Variants in GABRB1 observed in about 807,000 individuals in gnomAD.
The protein encoded by GABRB1 is gamma-aminobutyric acid receptor subunit beta-1.
GABRB1 carries 17 observed loss-of-function variants against 51.6 expected under a neutral mutation model. That is an observed-to-expected ratio of 0.33 (90% CI 0.23 to 0.49). The LOEUF is 0.49. GABRB1 is among the 20% of genes least tolerant of loss of function. The pLI, the probability that GABRB1 is intolerant of heterozygous loss-of-function variation, is 0.99. For synonymous variants in GABRB1, 247 were observed against 218.9 expected, an observed-to-expected ratio of 1.13 and a Z score of -1.14; for missense variants, 410 against 600.6, an observed-to-expected ratio of 0.68 and a Z score of 3.32.
At chr4:47,333,237 C>T (rs28735144) in intron 5 of GABRB1, among the ~76,000 whole-genome samples, 635 of 22,994 alleles carry the variant, frequency 0.028, 34 homozygotes, top group East Asian at 0.055. Context: ...TATATATATA[C>T]ACACCACGTA....
At chr4:47,243,462 A>G (rs943073935) in intron 4 of GABRB1, among the ~76,000 whole-genome samples, 248 of 152,292 alleles carry the variant, frequency 1.6e-3, no homozygotes, top group Non-Finnish European at 9.0e-4. Context: ...CATTGAATCT[A>G]TAAATTACCT....
intron 4 of GABRB1, among the ~76,000 whole-genome samples, chr4:47,256,818 AACACTGAGGATT>A: frequency 6.6e-6 from 1 of 152,298 alleles, no homozygotes; most frequent in Non-Finnish European, 1.5e-5. Flanking sequence ...CCCCTCCTCC[AACACTGAGGATT>A]ACAATTCAAC....
intron 5 of GABRB1, among the ~76,000 whole-genome samples, chr4:47,341,341 T>G (rs967702318): frequency 1.3e-5 from 2 of 151,984 alleles, no homozygotes; most frequent in African/African-American, 4.8e-5. Flanking sequence ...CCAGTGGCCA[T>G]GCTCTCTGGA....
At chr4:47,273,516 T>C (rs1013500718) in intron 4 of GABRB1, among the ~76,000 whole-genome samples, 1 of 152,162 alleles carries the variant, frequency 6.6e-6, no homozygotes, top group Non-Finnish European at 1.5e-5. Flanking sequence ...AGGATTGTTC[T>C]GGGCACAGTA....
intron 5 of GABRB1, among the ~76,000 whole-genome samples, chr4:47,369,749 C>A (rs556954480): frequency 3.3e-5 from 5 of 152,204 alleles, no homozygotes; most frequent in African/African-American, 1.2e-4. Context: ...CCTCTTCAGG[C>A]CTAATCTTGT....
intron 3 of GABRB1, among the ~76,000 whole-genome samples, chr4:47,071,924 G>T (rs569411045): frequency 2.7e-4 from 41 of 151,960 alleles, no homozygotes; most frequent in African/African-American, 9.9e-4. Context: ...GGCGACAGGG[G>T]TGATGAAACT....
chr4:47,085,406 G>T (rs1263418694), intron 3 of GABRB1, among the ~76,000 whole-genome samples: 1 of 152,132 alleles, frequency 6.6e-6, no homozygotes, highest in East Asian at 1.9e-4. Context: ...GTGGAAACAA[G>T]ATTTGTAAGT....
rs543611012 is a variant in GABRB1 at position 47,087,548 on chromosome 4, T to A, written c.240+55064T>A. Among the ~76,000 whole-genome samples the A allele has an allele frequency of 2.6e-5, 4 of 151,954 alleles. No homozygotes were observed. In the South Asian group the frequency reaches 8.3e-4, roughly 32 times the overall value. On this transcript the variant is annotated intron_variant, in intron 3 of 8. Transcript: ENST00000295454. The stretch of plus-strand genomic sequence containing the variant: ...ATCCCCCGTTAGCACTTTCTTTTTT[T>A]TTTTTTTATTATACTTTAAGTTTTA...
intron 3 of GABRB1, among the ~76,000 whole-genome samples, chr4:47,158,267 G>T (rs568724299): frequency 6.7e-4 from 102 of 151,930 alleles, no homozygotes; most frequent in African/African-American, 2.4e-3. Flanking sequence ...GTGTTATTTT[G>T]CCATTTTTAA....
intron 1 of GABRB1, among the ~76,000 whole-genome samples, chr4:46,997,757 C>T (rs920505196): frequency 6.6e-6 from 1 of 151,988 alleles, no homozygotes; most frequent in Non-Finnish European, 1.5e-5. Flanking sequence ...TATATACACA[C>T]ACATATATAT....
At chr4:47,127,977 AAAC>A (rs1365343052) in intron 3 of GABRB1, among the ~76,000 whole-genome samples, 2 of 151,764 alleles carry the variant, frequency 1.3e-5, no homozygotes, top group Non-Finnish European at 3.0e-5. Flanking sequence ...AATAAATAGA[AAAC>A]AATTAGCACT....
intron 4 of GABRB1, among the ~76,000 whole-genome samples, chr4:47,260,440 G>A (rs936130096): frequency 6.6e-6 from 1 of 152,138 alleles, no homozygotes; most frequent in Non-Finnish European, 1.5e-5. Flanking sequence ...TTTACATTTT[G>A]GCATGATTTT....
rs754213629 is a variant in GABRB1 at position 47,403,469 on chromosome 4, C to T, written c.682+14C>T. The T allele has an allele frequency of 6.8e-6, 11 of 1,613,596 alleles. No homozygotes were observed. The highest frequency in any genetic ancestry group is 9.3e-6 in the Non-Finnish European group (11 of 1,179,802). On this transcript the variant is annotated intron_variant, in intron 6 of 8. Transcript: ENST00000295454. Reference sequence around the variant, plus strand: ...AGTTCACAACAGGTGAGGTTGTTTCCCCCAAAATGTACTAGGGGTGCTGTG... The same window carrying T: ...AGTTCACAACAGGTGAGGTTGTTTCTCCCAAAATGTACTAGGGGTGCTGTG...
chr4:47,251,805 T>C (rs1320414737), intron 4 of GABRB1, among the ~76,000 whole-genome samples: 1 of 152,076 alleles, frequency 6.6e-6, no homozygotes, highest in Non-Finnish European at 1.5e-5. Flanking sequence ...CCAGCTCCCA[T>C]GCAAACTGAA....
chr4:46,996,995 T>G (rs558028698), intron 1 of GABRB1, among the ~76,000 whole-genome samples: 34 of 152,286 alleles, frequency 2.2e-4, no homozygotes, highest in Admixed American at 2.2e-3. Context: ...GTTCCAAGAA[T>G]TTAGAAGCTA....
chr4:47,251,981 C>G (rs1355241252), intron 4 of GABRB1, among the ~76,000 whole-genome samples: 1 of 152,146 alleles, frequency 6.6e-6, no homozygotes. Flanking sequence ...GCTGGATTCA[C>G]GCCCTCCCTT....
At chr4:47,211,101 ACTT>A (rs1720335429) in intron 4 of GABRB1, among the ~76,000 whole-genome samples, 1 of 152,120 alleles carries the variant, frequency 6.6e-6, no homozygotes, top group Non-Finnish European at 1.5e-5. Flanking sequence ...CTTGGGCACT[ACTT>A]CTTTCCCACG....
intron 3 of GABRB1, among the ~76,000 whole-genome samples, chr4:47,091,405 T>A (rs1323133636): frequency 6.6e-6 from 1 of 152,162 alleles, no homozygotes; most frequent in Non-Finnish European, 1.5e-5. Flanking sequence ...TAATTATAAA[T>A]ATGTAAAATA....
At chr4:47,065,858 A>C (rs1484349799) in intron 3 of GABRB1, among the ~76,000 whole-genome samples, 1 of 152,250 alleles carries the variant, frequency 6.6e-6, no homozygotes, top group Non-Finnish European at 1.5e-5. Context: ...AACTTTAATA[A>C]AAATTGATTT....
Sources: allele counts gnomAD v4.1 joint callset (sites outside exome capture counted in the v4.1 genomes callset), GRCh38; gene constraint gnomAD v4.1.1; transcripts MANE v1.5; gene names NCBI Gene and HGNC (gene_info 2026-07-23, HGNC 2026-07-21).